The following TTC39B variants were observed in gnomAD, a reference collection of about 807,000 sequenced individuals.
TTC39B encodes the protein tetratricopeptide repeat domain 39B.
Under a neutral mutation model 96.6 loss-of-function variants are expected in TTC39B, and 92 were observed. The observed-to-expected ratio is 0.95, with a 90% CI of 0.80 to 1.13. TTC39B has a LOEUF of 1.13. TTC39B is among the 50% of genes most tolerant of loss of function. The pLI, the probability that TTC39B is intolerant of heterozygous loss-of-function variation, is 0.00. For synonymous variants in TTC39B, 367 were observed against 299.4 expected (o/e 1.23, Z -2.33); for missense variants, 955 against 809.3 (o/e 1.18, Z -2.18).
At chr9:15,307,029 C>T (rs1050039597) in intron 1 of TTC39B, 55 bp downstream of exon 1, 2 of 1,585,902 alleles carry the variant, frequency 1.3e-6, no homozygotes, top group Non-Finnish European at 1.7e-6. Flanking sequence ...TCTTCTCTCC[C>T]GGACTCCTGT....
At chr9:15,268,818 A>G in intron 1 of TTC39B, among the ~76,000 whole-genome samples, 1 of 152,094 alleles carries the variant, frequency 6.6e-6, no homozygotes, top group East Asian at 1.9e-4. Context: ...ACATGACAAC[A>G]ATATCATTCT....
intron 3 of TTC39B, among the ~76,000 whole-genome samples, chr9:15,224,980 TCTG>T (rs1821043233): frequency 6.6e-6 from 1 of 152,140 alleles, no homozygotes; most frequent in African/African-American, 2.4e-5. Context: ...AAGTAAAGGA[TCTG>T]CTGTATAATT....
At chr9:15,282,426 T>C (rs1008801406) in intron 1 of TTC39B, among the ~76,000 whole-genome samples, 1 of 152,238 alleles carries the variant, frequency 6.6e-6, no homozygotes, top group Admixed American at 6.5e-5. Flanking sequence ...GGGGATTAAA[T>C]GGGTGCATAC....
Position 15,220,839 on chromosome 9 carries a change from G to C in TTC39B, c.371+5078C>G, listed in dbSNP as rs117125248. On this transcript the variant is annotated intron_variant, in intron 3 of 19. Transcript: ENST00000512701. ...TCTGTCTGATGTTTCCTCATGATCA[G>C]ATTCAGGCTACACATTTTGGGCAAG... Among the ~76,000 whole-genome samples, 661 of 152,222 alleles carry C rather than the reference G, an allele frequency of 4.3e-3. 3 individuals carry two copies. The highest frequency in any genetic ancestry group is 0.037 in the Middle Eastern group (11 of 294).
At chr9:15,220,275 T>G (rs1287860634) in intron 3 of TTC39B, among the ~76,000 whole-genome samples, 1 of 152,160 alleles carries the variant, frequency 6.6e-6, no homozygotes, top group Non-Finnish European at 1.5e-5. Flanking sequence ...GATTCAGCTG[T>G]GTGGAGTCCA....
At chr9:15,177,676 G>C (rs767600469) in intron 18 of TTC39B, 21 bp downstream of exon 18, 1 of 1,536,944 alleles carries the variant, frequency 6.5e-7, no homozygotes, top group Non-Finnish European at 8.9e-7. Context: ...CACTTGGGCT[G>C]GTTTTATTGT....
chr9:15,205,455 C>T (rs1819791653), intron 6 of TTC39B, among the ~76,000 whole-genome samples: 2 of 148,738 alleles, frequency 1.3e-5, no homozygotes, highest in African/African-American at 2.4e-5. Flanking sequence ...TCCTGCCATG[C>T]TCATATTCCA....
At chr9:15,261,873 C>T (rs1274950690) in intron 2 of TTC39B, among the ~76,000 whole-genome samples, 1 of 152,142 alleles carries the variant, frequency 6.6e-6, no homozygotes, top group Non-Finnish European at 1.5e-5. Context: ...CAACTGGGCA[C>T]TAACACTGAG....
At chr9:15,293,352 T>C (rs997218966) in intron 1 of TTC39B, among the ~76,000 whole-genome samples, 3 of 152,144 alleles carry the variant, frequency 2.0e-5, no homozygotes, top group Admixed American at 6.6e-5. Context: ...TAATGACATA[T>C]AACTAGTTGC....
At chr9:15,243,310 A>C (rs751434220) in intron 2 of TTC39B, among the ~76,000 whole-genome samples, 1 of 152,250 alleles carries the variant, frequency 6.6e-6, no homozygotes, top group Non-Finnish European at 1.5e-5. Flanking sequence ...CAGATGATGT[A>C]ATTTTTAATT....
chr9:15,264,854 T>C (rs572650972), intron 2 of TTC39B, among the ~76,000 whole-genome samples: 6 of 152,002 alleles, frequency 3.9e-5, no homozygotes, highest in South Asian at 4.2e-4. Context: ...ATCAAAAGCA[T>C]CTCCATCACA....
At chr9:15,212,951 A>T (rs1458674679) in intron 4 of TTC39B, among the ~76,000 whole-genome samples, 1 of 152,196 alleles carries the variant, frequency 6.6e-6, no homozygotes, top group Non-Finnish European at 1.5e-5. Flanking sequence ...ATTTCAAAAT[A>T]GCTAGAAGAG....
At chr9:15,220,244 G>C (rs536328319) in intron 3 of TTC39B, among the ~76,000 whole-genome samples, 2 of 152,254 alleles carry the variant, frequency 1.3e-5, no homozygotes, top group South Asian at 4.2e-4. Context: ...GAGCTCCATG[G>C]CAAGAAGTCT....
intron 1 of TTC39B, among the ~76,000 whole-genome samples, chr9:15,285,980 GATCA>G (rs1394154001): frequency 3.3e-5 from 5 of 151,992 alleles, no homozygotes; most frequent in African/African-American, 7.3e-5. Flanking sequence ...CCTTCCTATC[GATCA>G]ATCAATCTAG....
chr9:15,210,892 G>C (rs920375188), intron 5 of TTC39B, among the ~76,000 whole-genome samples: 5 of 152,206 alleles, frequency 3.3e-5, no homozygotes, highest in African/African-American at 1.2e-4. Context: ...TTCAAAAACA[G>C]GTCCTTCTTA....
intron 2 of TTC39B, among the ~76,000 whole-genome samples, chr9:15,256,219 G>C (rs1281744508): frequency 1.3e-5 from 2 of 149,156 alleles, no homozygotes; most frequent in Non-Finnish European, 3.0e-5. Context: ...ACTATTTTCT[G>C]CTTCCTTCTA....
intron 8 of TTC39B, among the ~76,000 whole-genome samples, chr9:15,199,431 C>G (rs1175432165): frequency 6.6e-6 from 1 of 151,968 alleles, no homozygotes; most frequent in African/African-American, 2.4e-5. Context: ...TTTTTACCAA[C>G]ACCAAATAAA....
chr9:15,281,919 C>A (rs762998169), intron 1 of TTC39B, among the ~76,000 whole-genome samples: 2 of 152,072 alleles, frequency 1.3e-5, no homozygotes, highest in Non-Finnish European at 2.9e-5. Flanking sequence ...CTCAAGTGAT[C>A]CACCCACCTC....
chr9:15,181,002 T>A (rs1818220725), intron 17 of TTC39B, among the ~76,000 whole-genome samples: 1 of 152,190 alleles, frequency 6.6e-6, no homozygotes, highest in Non-Finnish European at 1.5e-5. Context: ...CATCTCAGCA[T>A]GTCATTAAGA....
Sources: gnomAD v4.1 joint callset for allele counts (sites outside exome capture counted in the v4.1 genomes callset) on GRCh38, gnomAD v4.1.1 for gene constraint, MANE v1.5 for transcripts, NCBI Gene and HGNC (gene_info 2026-07-23, HGNC 2026-07-21) for gene names.